The following PLEKHA7 variants were observed in gnomAD, a reference collection of about 807,000 sequenced individuals.
PLEKHA7 encodes the protein pleckstrin homology domain-containing family A member 7.
In PLEKHA7, 104 loss-of-function variants were observed where a neutral mutation model predicts 170.0. That is an observed-to-expected ratio of 0.61 (90% CI 0.52 to 0.72). PLEKHA7 has a LOEUF of 0.72. Ranked by LOEUF, PLEKHA7 falls within the 30% of genes least tolerant of loss-of-function variation. The pLI is 0.00. For synonymous variants in PLEKHA7, 648 were observed against 660.8 expected (o/e 0.98, Z 0.30); for missense variants, 1,615 against 1,671.7 (o/e 0.97, Z 0.59).
intron 3 of PLEKHA7, among the ~76,000 whole-genome samples, chr11:16,939,867 T>C (rs1399920074): frequency 2.6e-5 from 4 of 151,984 alleles, no homozygotes; most frequent in South Asian, 2.1e-4. Flanking sequence ...GTGTGTGGGG[T>C]GAAGGGACTG....
chr11:16,972,729 T>A (rs1862801550), intron 3 of PLEKHA7, among the ~76,000 whole-genome samples: 1 of 152,164 alleles, frequency 6.6e-6, no homozygotes, highest in Non-Finnish European at 1.5e-5. Flanking sequence ...TCAAAACATA[T>A]TTTAAAATCT....
chr11:16,970,445 A>G (rs1415077962), intron 3 of PLEKHA7, among the ~76,000 whole-genome samples: 1 of 152,140 alleles, frequency 6.6e-6, no homozygotes, highest in African/African-American at 2.4e-5. Context: ...GAATTGCTTC[A>G]GTCCAGGAGT....
At position 16,974,783 on chromosome 11, in the gene PLEKHA7, G is replaced by T; in HGVS notation, c.221+39206C>A. ...TAATAGCCAGCATTCTCTTAGATCT[G>T]CAGTTGGGCTCAACGCACTCAAGCC... On this transcript the variant is annotated intron_variant, in intron 3 of 26. Coordinates refer to ENST00000531066, the MANE Select transcript of PLEKHA7 (RefSeq NM_001329630.2). 2 of 787,228 alleles carry T rather than the reference G, an allele frequency of 2.5e-6. 1 individual carries two copies. Among genetic ancestry groups the T allele is most frequent in the Non-Finnish European group, 3.2e-6 (2 of 631,506 alleles). 48.8% of individuals were successfully genotyped at this position (787,228 alleles called of 1,614,324 possible).
intron 3 of PLEKHA7, among the ~76,000 whole-genome samples, chr11:17,002,864 C>T (rs888895711): frequency 3.9e-5 from 6 of 152,098 alleles, no homozygotes; most frequent in Non-Finnish European, 1.5e-5. Flanking sequence ...GTCCCATTTG[C>T]TCTGTCATCC....
chr11:16,865,397 C>G (rs1854303079), intron 4 of PLEKHA7, among the ~76,000 whole-genome samples: 1 of 152,172 alleles, frequency 6.6e-6, no homozygotes. Flanking sequence ...TAACAAAAAA[C>G]TGGGTAGCAT....
chr11:16,998,283 C>A (rs2137015948), intron 3 of PLEKHA7, among the ~76,000 whole-genome samples: 1 of 152,176 alleles, frequency 6.6e-6, no homozygotes, highest in Middle Eastern at 3.4e-3. Flanking sequence ...TGAGCAAAAC[C>A]CAACACGAAC....
chr11:16,908,742 C>T (rs177551), intron 3 of PLEKHA7, among the ~76,000 whole-genome samples: 6 of 152,012 alleles, frequency 3.9e-5, no homozygotes, highest in African/African-American at 1.2e-4. Flanking sequence ...GTGATCCACC[C>T]GGCTCAGCCT....
At chr11:16,951,601 C>T (rs1017216186) in intron 3 of PLEKHA7, among the ~76,000 whole-genome samples, 4 of 152,198 alleles carry the variant, frequency 2.6e-5, no homozygotes, top group African/African-American at 7.2e-5. Flanking sequence ...CTCTTATCCA[C>T]AGGGTCATGC....
At chr11:16,783,026 C>G (rs1307094469) in intron 25 of PLEKHA7, 130 bp from the exon 26 acceptor site, 3 of 1,024,396 alleles carry the variant, frequency 2.9e-6, no homozygotes, top group Non-Finnish European at 4.2e-6. Context: ...GGTACTTTCT[C>G]CCTAGACAAA....
intron 3 of PLEKHA7, among the ~76,000 whole-genome samples, chr11:16,970,981 C>G (rs1194733995): frequency 6.6e-6 from 1 of 152,120 alleles, no homozygotes; most frequent in Non-Finnish European, 1.5e-5. Flanking sequence ...CTTTAAAGTG[C>G]TTTATCAACT....
At chr11:16,959,539 G>A (rs900145939) in intron 3 of PLEKHA7, among the ~76,000 whole-genome samples, 4 of 152,168 alleles carry the variant, frequency 2.6e-5, no homozygotes, top group African/African-American at 9.7e-5. Context: ...ATGTGTGAGA[G>A]GCCAGGCCCA....
intron 21 of PLEKHA7, 138 bp downstream of exon 21, chr11:16,790,660 G>T: frequency 1.3e-6 from 1 of 779,468 alleles, no homozygotes; most frequent in Non-Finnish European, 2.0e-6. Flanking sequence ...CCTCCCTCTT[G>T]GCATCCCAGA....
chr11:16,871,581 G>A (rs909572641), intron 3 of PLEKHA7, among the ~76,000 whole-genome samples: 1 of 152,166 alleles, frequency 6.6e-6, no homozygotes, highest in Non-Finnish European at 1.5e-5. Flanking sequence ...CCAAATCCAT[G>A]AATCTAGCAA....
At chr11:16,958,097 C>T (rs552652616) in intron 3 of PLEKHA7, among the ~76,000 whole-genome samples, 2 of 152,168 alleles carry the variant, frequency 1.3e-5, no homozygotes, top group Admixed American at 1.3e-4. Context: ...GGGAGGACTG[C>T]TTGAGCCCAG....
At chr11:16,830,243 A>G (rs1851005079) in intron 9 of PLEKHA7, among the ~76,000 whole-genome samples, 1 of 151,856 alleles carries the variant, frequency 6.6e-6, no homozygotes, top group Non-Finnish European at 1.5e-5. Flanking sequence ...CTCAGCTTCC[A>G]GAAGTGCTGG....
At chr11:16,967,040 A>C (rs996294928) in intron 3 of PLEKHA7, among the ~76,000 whole-genome samples, 1 of 152,218 alleles carries the variant, frequency 6.6e-6, no homozygotes, top group African/African-American at 2.4e-5. Context: ...CACCGAAGAT[A>C]CGGGGCCCTT....
chr11:16,982,823 AGAGAGAGAGG>A (rs1221355113), intron 3 of PLEKHA7, among the ~76,000 whole-genome samples: 4 of 133,688 alleles, frequency 3.0e-5, no homozygotes, highest in Non-Finnish European at 6.3e-5. Flanking sequence ...AGAGAGACAG[AGAGAGAGAGG>A]GAGAGAGAGA....
At chr11:16,886,959 A>G (rs1375937935) in intron 3 of PLEKHA7, among the ~76,000 whole-genome samples, 2 of 152,196 alleles carry the variant, frequency 1.3e-5, no homozygotes, top group African/African-American at 4.8e-5. Context: ...AAGATGAACA[A>G]AATAACAGTT....
chr11:16,986,022 G>A (rs1331949226), intron 3 of PLEKHA7, among the ~76,000 whole-genome samples: 1 of 152,242 alleles, frequency 6.6e-6, no homozygotes, highest in African/African-American at 2.4e-5. Context: ...AGGATGCATA[G>A]GAATTACCTG....
Sources: allele counts gnomAD v4.1 joint callset (sites outside exome capture counted in the v4.1 genomes callset), GRCh38; gene constraint gnomAD v4.1.1; transcripts MANE v1.5; gene names NCBI Gene and HGNC (gene_info 2026-07-23, HGNC 2026-07-21).